TPTE: variants seen among roughly 807,000 people sequenced by gnomAD.
TPTE encodes the protein transmembrane phosphatase with tensin homology.
A neutral mutation model predicts 84.1 loss-of-function variants in TPTE; 59 were observed. The ratio of observed to expected loss-of-function variants is 0.70; its 90% CI spans 0.57 to 0.87. The LOEUF (loss-of-function observed/expected upper bound fraction) is 0.87. TPTE is among the 40% of genes least tolerant of loss of function. TPTE has a pLI of 0.00. For missense variants in TPTE, 382 were observed against 659.6 expected (o/e 0.58, Z 4.61); for synonymous variants, 130 against 223.5 (o/e 0.58, Z 3.73).
intron 17 of TPTE, among the ~76,000 whole-genome samples, chr21:10,580,437 T>C (rs1338499181): frequency 6.6e-6 from 1 of 152,310 alleles, no homozygotes; most frequent in African/African-American, 2.4e-5. Flanking sequence ...CCCAGACCAA[T>C]GTCAAGAAGA....
At chr21:10,557,631 C>T (rs1373151221) in intron 8 of TPTE, among the ~76,000 whole-genome samples, 1 of 152,308 alleles carries the variant, frequency 6.6e-6, no homozygotes, top group Non-Finnish European at 1.5e-5. Context: ...CCTTAACTCT[C>T]CAAGCCTGGG....
chr21:10,546,952 CAAACT>C (rs1161479508), intron 7 of TPTE, among the ~76,000 whole-genome samples: 1 of 152,302 alleles, frequency 6.6e-6, no homozygotes, highest in Non-Finnish European at 1.5e-5. Flanking sequence ...TGAATGTGGC[CAAACT>C]AAACAACACA....
intron 14 of TPTE, among the ~76,000 whole-genome samples, chr21:10,571,770 G>T (rs1436445286): frequency 6.6e-6 from 1 of 152,312 alleles, no homozygotes; most frequent in Non-Finnish European, 1.5e-5. Context: ...CACTTTGAGA[G>T]GCCAAGGCAG....
At chr21:10,598,940 G>A (rs1323845200) in intron 21 of TPTE, among the ~76,000 whole-genome samples, 2 of 152,312 alleles carry the variant, frequency 1.3e-5, no homozygotes, top group South Asian at 2.1e-4. Flanking sequence ...TGTGTTCTTA[G>A]CAAATACTTT....
intron 3 of TPTE, among the ~76,000 whole-genome samples, chr21:10,537,410 G>A (rs942102324): frequency 1.4e-4 from 21 of 152,294 alleles, no homozygotes; most frequent in African/African-American, 4.8e-4. Flanking sequence ...TGGCCGTGGT[G>A]GCTCACGCCT....
At chr21:10,584,563 T>G (rs113588253) in intron 17 of TPTE, among the ~76,000 whole-genome samples, 916 of 150,896 alleles carry the variant, frequency 6.1e-3, no homozygotes, top group African/African-American at 0.022. Context: ...GGTCTCAAAC[T>G]TCTGTGCTCA....
In TPTE at chr21:10,527,366, C is replaced by T. The variant is rs1286080731; in HGVS notation, c.-90C>T. The T allele has an allele frequency of 6.5e-6, 1 of 152,784 alleles. No homozygotes were observed. Among genetic ancestry groups the T allele is most frequent in the Non-Finnish European group, 1.5e-5 (1 of 68,108 alleles). The allele number at this position is 152,784 out of a possible 1,614,324, so 9.5% of individuals were successfully genotyped here. A position where few individuals can be genotyped will look rare whatever the true frequency, so the allele number is the denominator to read the frequency against. On this transcript the variant is annotated 5_prime_UTR_variant, in exon 3 of 24. Coordinates refer to ENST00000618007, the MANE Select transcript of TPTE (RefSeq NM_199261.4). The stretch of plus-strand genomic sequence containing the variant: ...TTACTCTTTGGTAGAGTTATGGATT[C>T]ACTACCAGATTCTACTGTATGCTCT...
intron 7 of TPTE, among the ~76,000 whole-genome samples, chr21:10,550,127 T>A (rs939708804): frequency 6.6e-6 from 1 of 152,308 alleles, no homozygotes; most frequent in Non-Finnish European, 1.5e-5. Context: ...CCAAGATAAT[T>A]CATCACCACT....
intron 14 of TPTE, among the ~76,000 whole-genome samples, chr21:10,576,825 TTATACATA>T (rs2075161201): frequency 6.9e-6 from 1 of 145,728 alleles, no homozygotes; most frequent in South Asian, 2.1e-4. Flanking sequence ...ATTTTAAAGG[TTATACATA>T]TATACATATA....
chr21:10,534,291 C>G (rs1175301869), intron 3 of TPTE, among the ~76,000 whole-genome samples: 1 of 152,306 alleles, frequency 6.6e-6, no homozygotes, highest in African/African-American at 2.4e-5. Flanking sequence ...AGTGAAGGCC[C>G]AAGGATGGCT....
intron 3 of TPTE, among the ~76,000 whole-genome samples, chr21:10,528,633 A>T (rs1200262648): frequency 6.6e-6 from 1 of 152,312 alleles, no homozygotes; most frequent in African/African-American, 2.4e-5. Flanking sequence ...TGGTACTTTT[A>T]TAACTGATGC....
chr21:10,559,872 TAAAAA>T (rs61583687), intron 9 of TPTE, among the ~76,000 whole-genome samples: 10 of 117,116 alleles, frequency 8.5e-5, no homozygotes, highest in Admixed American at 1.9e-4. Context: ...AGACTCCATG[TAAAAA>T]AAAAAAAAAA....
chr21:10,572,176 G>A (rs530201772), intron 14 of TPTE, among the ~76,000 whole-genome samples: 7 of 152,402 alleles, frequency 4.6e-5, no homozygotes, highest in African/African-American at 1.7e-4. Flanking sequence ...TTCATCAGGT[G>A]CGGTGTCTCA....
rs1473140271 is a variant in TPTE, at chr21:10,603,580, G to A, written c.1468G>A (p.Asp490Asn). The A allele has an allele frequency of 1.2e-6, 2 of 1,612,414 alleles. No individual in the cohort carries two copies. Among genetic ancestry groups the A allele is most frequent in the Non-Finnish European group, 1.7e-6 (2 of 1,178,790 alleles). ...TTTTTAGAATCTTCCTACATACTAT[G>A]ACAATTGCTCATTTTACTTCTGGTT... is the stretch of plus-strand genomic sequence containing the variant. ...FFYSNLPTYY[D>N]NCSFYFWLHT... Residue 490 changes from aspartate to asparagine, a missense_variant, in exon 23 of 24, where the codon GAC becomes AAC. Transcript: ENST00000618007.
intron 1 of TPTE, among the ~76,000 whole-genome samples, chr21:10,523,531 A>G (rs1203858480): frequency 6.7e-6 from 1 of 150,312 alleles, no homozygotes; most frequent in Non-Finnish European, 1.5e-5. Flanking sequence ...GTTCCCACCT[A>G]TGAGTGAGAA....
intron 23 of TPTE, among the ~76,000 whole-genome samples, chr21:10,604,582 C>T (rs1330479939): frequency 2.6e-5 from 4 of 152,294 alleles, no homozygotes; most frequent in African/African-American, 4.8e-5. Flanking sequence ...ATAGAGTCAA[C>T]TTTGTATTTG....
In TPTE at chr21:10,542,466, A is replaced by G. The variant is rs1158535471; in HGVS notation, c.119+18A>G. The G allele has an allele frequency of 6.2e-7, 1 of 1,609,404 alleles. No homozygotes were observed. The highest frequency in any genetic ancestry group is 1.3e-5 in the African/African-American group (1 of 74,846). ...AAAGAAAGGTGAGCAATAAATAGTT[A>G]AAGTCACCCGTCAGCATAAGTGTGC... On this transcript the variant is annotated intron_variant, in intron 6 of 23. Coordinates refer to ENST00000618007, the MANE Select transcript of TPTE (RefSeq NM_199261.4).
intron 7 of TPTE, among the ~76,000 whole-genome samples, chr21:10,548,358 G>A (rs564494930): frequency 6.6e-6 from 1 of 152,426 alleles, no homozygotes; most frequent in Admixed American, 6.5e-5. Context: ...CCCAGCAGAT[G>A]CACCTCCAGA....
At chr21:10,571,630 T>C (rs1207093665) in intron 14 of TPTE, among the ~76,000 whole-genome samples, 1 of 152,312 alleles carries the variant, frequency 6.6e-6, no homozygotes, top group Non-Finnish European at 1.5e-5. Context: ...TTTATGATCT[T>C]ATGAGAAATT....
Sources: allele counts gnomAD v4.1 joint callset (sites outside exome capture counted in the v4.1 genomes callset), GRCh38; gene constraint gnomAD v4.1.1; transcripts MANE v1.5; gene names NCBI Gene and HGNC (gene_info 2026-07-23, HGNC 2026-07-21).